EXOC4: variants seen among roughly 807,000 people sequenced by gnomAD.
The protein encoded by EXOC4 is exocyst complex component 4.
EXOC4 carries 71 observed loss-of-function variants against 107.2 expected under a neutral mutation model. The ratio of observed to expected loss-of-function variants is 0.66; its 90% CI spans 0.55 to 0.81. EXOC4 has a LOEUF of 0.81. Among genes scored for constraint, EXOC4 ranks in the 30% least tolerant of loss-of-function variants. The pLI is 0.00. For synonymous variants in EXOC4, 456 were observed against 441.2 expected, an observed-to-expected ratio of 1.03 and a Z score of -0.42; for missense variants, 1,108 against 1,189.6, an observed-to-expected ratio of 0.93 and a Z score of 1.01.
chr7:134,085,578 G>C, the EXOC4 span, among the ~76,000 whole-genome samples: 1 of 152,298 alleles, frequency 6.6e-6, no homozygotes, highest in South Asian at 2.1e-4. Flanking sequence ...GTATAACCTG[G>C]ATTTAGAGCT....
At chr7:133,796,767 A>C (rs915940828) in intron 10 of EXOC4, among the ~76,000 whole-genome samples, 1 of 152,296 alleles carries the variant, frequency 6.6e-6, no homozygotes, top group African/African-American at 2.4e-5. Context: ...AAAATAAAAA[A>C]GATTATTCAT....
intron 17 of EXOC4, among the ~76,000 whole-genome samples, chr7:134,043,507 A>G (rs1248216563): frequency 1.3e-5 from 2 of 152,222 alleles, no homozygotes; most frequent in Non-Finnish European, 2.9e-5. Context: ...CTTTGAAAAC[A>G]TTAGAAATGT....
chr7:133,683,048 C>G (rs1317077049), intron 10 of EXOC4, among the ~76,000 whole-genome samples: 1 of 152,174 alleles, frequency 6.6e-6, no homozygotes, highest in African/African-American at 2.4e-5. Flanking sequence ...TAAAAGTCCT[C>G]CCTTCTCACC....
At chr7:133,977,413 G>A (rs2346275) in intron 14 of EXOC4, among the ~76,000 whole-genome samples, 106,246 of 152,072 alleles carry the variant, frequency 0.7, 37,518 homozygotes, top group East Asian at 0.91. Flanking sequence ...TAGAGTTTAT[G>A]TAGCAAAAAT....
chr7:134,097,754 T>C, the EXOC4 span, among the ~76,000 whole-genome samples: 2 of 152,194 alleles, frequency 1.3e-5, no homozygotes, highest in African/African-American at 2.4e-5. Flanking sequence ...CTCCTCATTA[T>C]TTCAGCCTCC....
chr7:133,994,388 G>T (rs1019037371), intron 14 of EXOC4, among the ~76,000 whole-genome samples: 1 of 152,170 alleles, frequency 6.6e-6, no homozygotes, highest in African/African-American at 2.4e-5. Flanking sequence ...ATTAAGACAA[G>T]TACCTAATGC....
chr7:133,391,007 G>C (rs1351145808), intron 7 of EXOC4, among the ~76,000 whole-genome samples: 1 of 152,152 alleles, frequency 6.6e-6, no homozygotes. Flanking sequence ...TCCTCAGTAA[G>C]ATTATATAGA....
intron 1 of EXOC4, among the ~76,000 whole-genome samples, chr7:133,256,541 G>C (rs1214661149): frequency 6.6e-6 from 1 of 152,150 alleles, no homozygotes; most frequent in Non-Finnish European, 1.5e-5. Context: ...AGAGTCTACT[G>C]TCTTTTGAAA....
intron 9 of EXOC4, among the ~76,000 whole-genome samples, chr7:133,526,969 TCAAAAA>T (rs144430029): frequency 0.023 from 3,462 of 151,944 alleles, 135 homozygotes; most frequent in African/African-American, 0.078. Context: ...AGACTCCGTC[TCAAAAA>T]CAAAAACAAA....
At chr7:133,906,885 A>T (rs1386269708) in intron 12 of EXOC4, among the ~76,000 whole-genome samples, 1 of 152,192 alleles carries the variant, frequency 6.6e-6, no homozygotes, top group African/African-American at 2.4e-5. Context: ...ACTGGGTTCC[A>T]CGGTTCTCTT....
rs534913448 is a variant in EXOC4, at chr7:133,603,124, T to G, written c.1418-26921T>G. On this transcript the variant is annotated intron_variant, in intron 9 of 17. Coordinates refer to ENST00000253861, the MANE Select transcript of EXOC4 (RefSeq NM_021807.4). ...ACCAAATTTAAATTTTACATAATTT[T>G]ACTCTTTCATCTGCTGGTCTTTTAC... 1.4e-3 allele frequency among the ~76,000 whole-genome samples: 209 copies of G among 152,318 alleles called. 2 individuals are homozygous for G. The highest frequency in any genetic ancestry group is 4.8e-3 in the African/African-American group (200 of 41,580).
chr7:133,956,472 T>C (rs1800821924), intron 14 of EXOC4, among the ~76,000 whole-genome samples: 1 of 152,190 alleles, frequency 6.6e-6, no homozygotes. Flanking sequence ...GTACCTAGTA[T>C]TAGAACAAAC....
intron 9 of EXOC4, among the ~76,000 whole-genome samples, chr7:133,486,906 A>G (rs1481232482): frequency 1.3e-5 from 2 of 152,230 alleles, no homozygotes; most frequent in African/African-American, 4.8e-5. Flanking sequence ...TCCTCAAGTC[A>G]TGAACAGATT....
In EXOC4 at chr7:133,997,573, T is replaced by A; in HGVS notation, c.2288T>A (p.Leu763His). 1 of 1,613,730 alleles carries A rather than the reference T, an allele frequency of 6.2e-7. No homozygotes were observed. The highest frequency in any genetic ancestry group is 8.5e-7 in the Non-Finnish European group (1 of 1,179,790). ...CAGATCATGCAGACTCTCAGTGAAC[T>A]TGCCAAATCGTTCCAGGATATGGCT... Reference protein sequence around the residue: ...SEQIMQTLSELAKSFQDMADR... With the variant: ...SEQIMQTLSEHAKSFQDMADR... The change falls in exon 15 of 18, where the codon CTT becomes CAT. Residue 763 changes from leucine to histidine, a missense_variant. By Grantham distance (99) the Leu-to-His change is moderately conservative. Transcript: ENST00000253861.
intron 12 of EXOC4, among the ~76,000 whole-genome samples, chr7:133,896,269 T>G (rs2116522542): frequency 6.6e-6 from 1 of 152,270 alleles, no homozygotes; most frequent in South Asian, 2.1e-4. Context: ...TTTCCTTCCT[T>G]AGGTTCAAAA....
At chr7:133,672,219 G>A (rs552832149) in intron 10 of EXOC4, among the ~76,000 whole-genome samples, 42 of 151,810 alleles carry the variant, frequency 2.8e-4, no homozygotes, top group South Asian at 2.1e-4. Context: ...GTGAAACCCC[G>A]TCTCTACTAA....
chr7:133,428,760 A>G (rs1158106051), intron 7 of EXOC4, among the ~76,000 whole-genome samples: 2 of 152,218 alleles, frequency 1.3e-5, no homozygotes, highest in Non-Finnish European at 2.9e-5. Context: ...TTATGCCACA[A>G]ACATCTGTTG....
intron 14 of EXOC4, among the ~76,000 whole-genome samples, chr7:133,950,773 C>A (rs1800671697): frequency 2.6e-5 from 4 of 152,122 alleles, no homozygotes; most frequent in Admixed American, 2.6e-4. Flanking sequence ...ATAAGGGCTG[C>A]CCTTTAGGAT....
At chr7:133,599,645 C>T (rs536899890) in intron 9 of EXOC4, among the ~76,000 whole-genome samples, 13 of 152,208 alleles carry the variant, frequency 8.5e-5, no homozygotes, top group South Asian at 2.1e-4. Context: ...TCTGGACATT[C>T]GTCATTTCTG....
Sources: gnomAD v4.1 joint callset for allele counts (sites outside exome capture counted in the v4.1 genomes callset) on GRCh38, gnomAD v4.1.1 for gene constraint, MANE v1.5 for transcripts, NCBI Gene and HGNC (gene_info 2026-07-23, HGNC 2026-07-21) for gene names.